MKNK1: variants seen among roughly 807,000 people sequenced by gnomAD.
MKNK1 encodes MAP kinase-interacting serine/threonine-protein kinase 1.
MKNK1 carries 30 observed loss-of-function variants against 49.3 expected under a neutral mutation model. The ratio of observed to expected loss-of-function variants is 0.61; its 90% CI spans 0.46 to 0.83. The LOEUF (loss-of-function observed/expected upper bound fraction) is 0.83. Among genes scored for constraint, MKNK1 ranks in the 40% least tolerant of loss-of-function variants. The pLI is 0.00. For missense variants in MKNK1, 423 were observed against 524.7 expected (o/e 0.81, Z 1.89); for synonymous variants, 176 against 201.7 (o/e 0.87, Z 1.08).
At chr1:46,595,023 T>C (rs1411539333) in intron 1 of MKNK1, 1 of 182,816 alleles carries the variant, frequency 5.5e-6, no homozygotes, top group Non-Finnish European at 1.2e-5. Flanking sequence ...CTGGGCTCTC[T>C]CTCTTAGTGG....
chr1:46,580,640 T>C lies in MKNK1; in HGVS notation c.101-13A>G, dbSNP rs1472904039. 6.3e-7 allele frequency: 1 copy of C among 1,577,310 alleles called. No individual in the cohort carries two copies. The highest frequency in any genetic ancestry group is 8.7e-7 in the Non-Finnish European group (1 of 1,146,848). ...AGCTTGTACATATCTAGAGGTGAAA[T>C]GGATGAGAGGAATAACAAGATGAGT... On this transcript the variant is annotated splice_polypyrimidine_tract_variant and intron_variant, in intron 3 of 12. Transcript: ENST00000371945.
chr1:46,588,669 A>T (rs1258024), intron 2 of MKNK1, among the ~76,000 whole-genome samples: 2 of 151,902 alleles, frequency 1.3e-5, no homozygotes, highest in Non-Finnish European at 2.9e-5. Context: ...TAGCCGGGCG[A>T]GGTGGCGGGC....
Position 46,558,807 on chromosome 1 carries a change from G to C in MKNK1, c.1014-7C>G. ...GTCCATTGTGCTGCTGTTCCTGCAGGGCCAGGGGAAAGCACAGAAAAGAGG... is the reference window on the plus strand; with the variant it reads ...GTCCATTGTGCTGCTGTTCCTGCAGCGCCAGGGGAAAGCACAGAAAAGAGG... On this transcript the variant is annotated splice_polypyrimidine_tract_variant and splice_region_variant and intron_variant, in intron 12 of 12. Coordinates refer to ENST00000371945, the MANE Select transcript of MKNK1 (RefSeq NM_001135553.4). The C allele has an allele frequency of 6.2e-7, 1 of 1,611,892 alleles. No individual in the cohort carries two copies. The highest frequency in any genetic ancestry group is 8.5e-7 in the Non-Finnish European group (1 of 1,178,936).
intron 2 of MKNK1, among the ~76,000 whole-genome samples, chr1:46,592,486 G>C (rs1359613097): frequency 2.0e-5 from 3 of 152,228 alleles, no homozygotes; most frequent in Non-Finnish European, 4.4e-5. Context: ...GTGATGGGGA[G>C]GGACTGGGTG....
At chr1:46,594,849 C>T (rs1182709897) in intron 1 of MKNK1, 2 of 417,454 alleles carry the variant, frequency 4.8e-6, no homozygotes, top group African/African-American at 4.2e-5. Flanking sequence ...TAAAATTAGC[C>T]AGGCATGGTG....
chr1:46,571,985 C>T, intron 7 of MKNK1, 78 bp downstream of exon 7: 1 of 1,343,242 alleles, frequency 7.4e-7, no homozygotes, highest in East Asian at 2.3e-5. Context: ...CACCAGCCCT[C>T]TGCCTGGCCT....
intron 2 of MKNK1, among the ~76,000 whole-genome samples, chr1:46,586,712 G>A (rs1672626243): frequency 2.0e-5 from 3 of 152,136 alleles, no homozygotes; most frequent in African/African-American, 7.2e-5. Context: ...GCAGAGTAAG[G>A]CTACTTAGTT....
chr1:46,576,282 C>T (rs980626441), intron 5 of MKNK1: 4 of 334,950 alleles, frequency 1.2e-5, no homozygotes, highest in Admixed American at 4.5e-5. Flanking sequence ...CCACAGGTAC[C>T]GAAAGAAATA....
chr1:46,574,798 G>A (rs1038247570), intron 6 of MKNK1, 149 bp downstream of exon 6: 1 of 585,220 alleles, frequency 1.7e-6, no homozygotes, highest in African/African-American at 1.9e-5. Flanking sequence ...CTTCCCTCCG[G>A]CCTCCCTTCT....
At chr1:46,592,959 AC>A (rs1460119201) in intron 2 of MKNK1, among the ~76,000 whole-genome samples, 1 of 152,054 alleles carries the variant, frequency 6.6e-6, no homozygotes, top group Non-Finnish European at 1.5e-5. Flanking sequence ...AGACAATGGC[AC>A]CACCGGGGAC....
chr1:46,601,377 T>C (rs1368551717), intron 1 of MKNK1, among the ~76,000 whole-genome samples: 1 of 152,210 alleles, frequency 6.6e-6, no homozygotes, highest in Non-Finnish European at 1.5e-5. Flanking sequence ...CAAGGGAAAA[T>C]GTGCATTTAT....
intron 11 of MKNK1, 80 bp from the exon 12 acceptor site, chr1:46,560,357 T>A (rs1367770407): frequency 9.0e-6 from 13 of 1,436,856 alleles, no homozygotes; most frequent in African/African-American, 7.0e-5. Context: ...CAGCAGTGGG[T>A]AGGTTACTAT....
At position 46,561,642 on chromosome 1, in the gene MKNK1, T is replaced by C. The variant is rs1374846544; in HGVS notation, c.805A>G (p.Asn269Asp). ...DRGEVCRVCQ[N>D]KLFESIQEGK... ...TCCTGGATGCTTTCAAACAGCTTGT[T>C]CTAGGTACAAAAGATTCCTCCTGAG... Residue 269 changes from asparagine (N) to aspartate (D), a missense_variant and splice_region_variant, in exon 11 of 13, where the codon AAC (asparagine) becomes GAC (aspartate). Physicochemically the swap from Asn to Asp is conservative, Grantham distance 23. Transcript: ENST00000371945. 6.2e-7 allele frequency: 1 copy of C among 1,613,734 alleles called. No homozygotes were observed. Among genetic ancestry groups the C allele is most frequent in the African/African-American group, 1.3e-5 (1 of 74,914 alleles).
chr1:46,574,406 G>GT (rs1670649478), intron 6 of MKNK1: 1 of 152,376 alleles, frequency 6.6e-6, no homozygotes, highest in South Asian at 2.1e-4. Context: ...GATTGGGGGA[G>GT]TGATGGGAAG....
intron 7 of MKNK1, among the ~76,000 whole-genome samples, chr1:46,570,873 T>C (rs1430416316): frequency 6.6e-6 from 1 of 152,236 alleles, no homozygotes; most frequent in Non-Finnish European, 1.5e-5. Flanking sequence ...ACATTTTTCA[T>C]CTATAAAAAG....
rs1435999710 is a variant in MKNK1, at chr1:46,561,377, G to C, written c.969+101C>G. On this transcript the variant is annotated intron_variant, in intron 11 of 12. Transcript: ENST00000371945. ...GACGCTGTCCTCTTCAGCTGCACCA[G>C]CCACAAGGCTGGTGCTCAGCACTTG... 8 of 1,354,740 alleles carry C rather than the reference G, an allele frequency of 5.9e-6. No individual in the cohort carries two copies. The African/African-American group carries it at 1.2e-4, about 20-fold the overall frequency. 83.9% of individuals were successfully genotyped at this position (1,354,740 alleles called of 1,614,324 possible). A position where few individuals can be genotyped will look rare whatever the true frequency, so the allele number is the denominator to read the frequency against.
chr1:46,565,075 CAGG>C lies in MKNK1; in HGVS notation c.572_574del (p.Ser191del), dbSNP rs1557833252. On this transcript the variant is annotated inframe_deletion, in exon 9 of 13. Transcript: ENST00000371945. ...CAGCTCTGGTGTGGTTATGGGGGTA[CAGG>C]AGTTGTTCAGTTTCATCCCACTGCC... 1 of 1,614,138 alleles carries C rather than the reference CAGG, an allele frequency of 6.2e-7. No homozygotes were observed.
At chr1:46,563,038 C>G in intron 9 of MKNK1, 195 bp from the exon 10 acceptor site, 1 of 553,482 alleles carries the variant, frequency 1.8e-6, no homozygotes, top group South Asian at 2.5e-5. Context: ...CCATCATTTT[C>G]CATCATCCAG....
chr1:46,558,523 A>C lies in MKNK1; in HGVS notation c.*52T>G. 6.6e-7 allele frequency: 1 copy of C among 1,507,260 alleles called. No homozygotes were observed. The highest frequency in any genetic ancestry group is 8.9e-7 in the Non-Finnish European group (1 of 1,123,594). 93.4% of individuals were successfully genotyped at this position (1,507,260 alleles called of 1,614,324 possible). A position where few individuals can be genotyped will look rare whatever the true frequency, so the allele number is the denominator to read the frequency against. On this transcript the variant is annotated 3_prime_UTR_variant, in exon 13 of 13. Transcript: ENST00000371945. ...GCAGACTTTAGCCACACAGGTTTCC[A>C]GGGGACAATGCCTGGCCAGGCCTAG...
Sources: allele counts gnomAD v4.1 joint callset (sites outside exome capture counted in the v4.1 genomes callset), GRCh38; gene constraint gnomAD v4.1.1; transcripts MANE v1.5; gene names NCBI Gene and HGNC (gene_info 2026-07-23, HGNC 2026-07-21).